CDS1: variants seen among roughly 807,000 people sequenced by gnomAD.
CDS1 encodes CDP-diacylglycerol synthase 1, also known as phosphatidate cytidylyltransferase 1.
A neutral mutation model predicts 62.1 loss-of-function variants in CDS1; 41 were observed. That is an observed-to-expected ratio of 0.66 (90% CI 0.51 to 0.86). The LOEUF (loss-of-function observed/expected upper bound fraction) is 0.86, where lower values mean the gene tolerates loss of function less well. Among genes scored for constraint, CDS1 ranks in the 40% least tolerant of loss-of-function variants. The pLI is 0.00. For missense variants in CDS1, 470 were observed against 550.1 expected, an observed-to-expected ratio of 0.85 and a Z score of 1.46; for synonymous variants, 185 against 192.6, an observed-to-expected ratio of 0.96 and a Z score of 0.32.
chr4:84,583,424 G>A lies in CDS1; in HGVS notation c.23G>A (p.Gly8Glu). Residue 8 changes from glycine to glutamate, a missense_variant, in exon 1 of 13, where the codon GGA (glycine) becomes GAA (glutamate). By Grantham distance (98) the Gly-to-Glu change is moderately conservative (BLOSUM62 -2). Transcript: ENST00000295887. ...AAGATGTTGGAGCTGAGGCACCGGGGAAGCTGCCCCGGCCCCAGGGAAGCG... is the reference window on the plus strand; with the variant it reads ...AAGATGTTGGAGCTGAGGCACCGGGAAAGCTGCCCCGGCCCCAGGGAAGCG... The part of the protein sequence containing the change: MLELRHR[G>E]SCPGPREAVS... 1 of 1,600,198 alleles carries A rather than the reference G, an allele frequency of 6.2e-7. No homozygotes were observed. The highest frequency in any genetic ancestry group is 8.5e-7 in the Non-Finnish European group (1 of 1,174,334).
intron 1 of CDS1, among the ~76,000 whole-genome samples, chr4:84,594,018 G>T (rs1722673037): frequency 6.6e-6 from 1 of 152,052 alleles, no homozygotes; most frequent in Non-Finnish European, 1.5e-5. Context: ...ATACTCTGGG[G>T]CCTGATAAAT....
chr4:84,631,629 A>T (rs1310816969), intron 5 of CDS1, among the ~76,000 whole-genome samples, 190 bp from the exon 6 acceptor site: 2 of 152,198 alleles, frequency 1.3e-5, no homozygotes, highest in African/African-American at 4.8e-5. Context: ...CACTTTGGAG[A>T]GTACAAGATT....
chr4:84,641,152 TG>T (rs1209098713), intron 10 of CDS1, among the ~76,000 whole-genome samples, 162 bp downstream of exon 10: 1 of 152,176 alleles, frequency 6.6e-6, no homozygotes, highest in East Asian at 1.9e-4. Context: ...CTCAACTTAC[TG>T]CAACCTTTGC....
chr4:84,585,664 A>T lies in CDS1; in HGVS notation c.117+2146A>T, dbSNP rs116828002. Among the ~76,000 whole-genome samples, 1,415 of 152,310 alleles carry T rather than the reference A, an allele frequency of 9.3e-3. 7 individuals carry two copies. Among genetic ancestry groups the T allele is most frequent in the South Asian group, 0.015 (72 of 4,824 alleles). On this transcript the variant is annotated intron_variant, in intron 1 of 12. Coordinates refer to ENST00000295887, the MANE Select transcript of CDS1 (RefSeq NM_001263.4). ...TTATAATACACTCCCATGCATTGCCATTTTGTAGTCTTTTAATAATGGTGT... is the reference window on the plus strand; with the variant it reads ...TTATAATACACTCCCATGCATTGCCTTTTTGTAGTCTTTTAATAATGGTGT...
chr4:84,642,024 C>G (rs1202822370), intron 10 of CDS1, among the ~76,000 whole-genome samples: 1 of 152,046 alleles, frequency 6.6e-6, no homozygotes, highest in Admixed American at 6.6e-5. Context: ...GCTTTGAGAA[C>G]AGGTCAAAAA....
intron 11 of CDS1, among the ~76,000 whole-genome samples, chr4:84,644,832 G>A (rs1364541527): frequency 2.6e-5 from 4 of 152,166 alleles, no homozygotes; most frequent in Admixed American, 2.0e-4. Context: ...AGAACCAGTT[G>A]TACATCTTTT....
chr4:84,590,929 C>T (rs1419621017), intron 1 of CDS1, among the ~76,000 whole-genome samples: 3 of 152,048 alleles, frequency 2.0e-5, no homozygotes, highest in African/African-American at 4.8e-5. Context: ...GCAAGTGGCT[C>T]GAAGAGGTAA....
rs36093550 is a variant in CDS1 at position 84,624,291 on chromosome 4, C to CAA, written c.580+4770_580+4771dup. The stretch of plus-strand genomic sequence containing the variant: ...TCTGTCTCAAAAAAAAAAAAACAAA[C>CAA]AAAAAAAAAAAAACTAGTTTTTTTT... On this transcript the variant is annotated intron_variant, in intron 5 of 12. Transcript: ENST00000295887. 4.4e-3 allele frequency among the ~76,000 whole-genome samples: 530 copies of CAA among 119,632 alleles called. 4 individuals carry two copies. Among genetic ancestry groups the CAA allele is most frequent in the African/African-American group, 0.015 (514 of 35,138 alleles). 78.5% of individuals were successfully genotyped at this position (119,632 alleles called of 152,430 possible). A position where few individuals can be genotyped will look rare whatever the true frequency, so the allele number is the denominator to read the frequency against.
chr4:84,638,888 C>A, intron 8 of CDS1, 36 bp from the exon 9 acceptor site: 1 of 839,810 alleles, frequency 1.2e-6, no homozygotes, highest in Non-Finnish European at 1.9e-6. Context: ...TTTGTGAGTG[C>A]AGTAAAGCTT....
Position 84,604,244 on chromosome 4 carries a change from A to G in CDS1, c.119A>G (p.Glu40Gly), listed in dbSNP as rs770807008. The change falls in exon 2 of 13, where the codon GAA (glutamate) becomes GGA (glycine). Residue 40 changes from glutamate to glycine, a missense_variant and splice_region_variant. By Grantham distance (98) the Glu-to-Gly change is moderately conservative. Around this residue, in one of 5 missense-constraint regions of CDS1, gnomAD observed 150 missense variants for 142.0 expected, o/e 1.06. Transcript: ENST00000295887. Reference sequence around the variant, plus strand: ...AGTAATTTGTCTTTTTAATTTTAGGAAACAGATATTGATGACAGATATGGA... The same window carrying G: ...AGTAATTTGTCTTTTTAATTTTAGGGAACAGATATTGATGACAGATATGGA... ...DHETESTSDK[E>G]TDIDDRYGDL... The G allele has an allele frequency of 1.9e-6, 3 of 1,604,656 alleles. No homozygotes were observed. In the East Asian group the frequency reaches 6.7e-5, roughly 36 times the overall value.
chr4:84,635,945 C>T (rs948121162), intron 8 of CDS1, among the ~76,000 whole-genome samples: 6 of 151,576 alleles, frequency 4.0e-5, no homozygotes, highest in African/African-American at 1.5e-4. Flanking sequence ...TTGGTAGAGA[C>T]AGAGTCTTGC....
intron 11 of CDS1, among the ~76,000 whole-genome samples, chr4:84,643,358 G>A (rs567096033): frequency 6.6e-6 from 1 of 152,186 alleles, no homozygotes; most frequent in Non-Finnish European, 1.5e-5. Flanking sequence ...TAAGTGTCAT[G>A]TCAGCTTCCT....
At chr4:84,608,812 G>A (rs754792349) in intron 2 of CDS1, among the ~76,000 whole-genome samples, 2 of 152,036 alleles carry the variant, frequency 1.3e-5, no homozygotes, top group Non-Finnish European at 2.9e-5. Context: ...TGGGATGCCT[G>A]ACTTTCACAT....
intron 1 of CDS1, among the ~76,000 whole-genome samples, chr4:84,594,503 A>G (rs377495390): frequency 1.3e-5 from 2 of 151,996 alleles, no homozygotes; most frequent in East Asian, 1.9e-4. Context: ...ATGTGTCTGC[A>G]GTTTCTCAGA....
At chr4:84,590,930 G>A (rs1039669864) in intron 1 of CDS1, among the ~76,000 whole-genome samples, 1 of 152,176 alleles carries the variant, frequency 6.6e-6, no homozygotes, top group Non-Finnish European at 1.5e-5. Context: ...CAAGTGGCTC[G>A]AAGAGGTAAT....
At chr4:84,637,248 A>G (rs1291263670) in intron 8 of CDS1, among the ~76,000 whole-genome samples, 1 of 152,220 alleles carries the variant, frequency 6.6e-6, no homozygotes, top group Non-Finnish European at 1.5e-5. Context: ...TTACGTATTC[A>G]AGAGTTCTAC....
chr4:84,618,264 C>T (rs1161453702), intron 4 of CDS1, among the ~76,000 whole-genome samples: 1 of 152,058 alleles, frequency 6.6e-6, no homozygotes, highest in Non-Finnish European at 1.5e-5. Context: ...GAGTCAGTGT[C>T]TTTTTAAAAC....
chr4:84,586,621 GC>G (rs1722431629), intron 1 of CDS1, among the ~76,000 whole-genome samples: 1 of 152,218 alleles, frequency 6.6e-6, no homozygotes. Context: ...CTGCTCTGCA[GC>G]CGGGTTCCCA....
intron 12 of CDS1, among the ~76,000 whole-genome samples, chr4:84,646,068 C>A (rs1724550392): frequency 6.6e-6 from 1 of 152,058 alleles, no homozygotes; most frequent in African/African-American, 2.4e-5. Flanking sequence ...CTACTGGGGG[C>A]CCAGAAGGCA....
Sources: gnomAD v4.1 joint callset for allele counts (sites outside exome capture counted in the v4.1 genomes callset) on GRCh38, gnomAD v4.1.1 for gene constraint, gnomAD v4.1.1 regional missense constraint, MANE v1.5 for transcripts, NCBI Gene and HGNC (gene_info 2026-07-23, HGNC 2026-07-21) for gene names.